UGT3A2: variants seen among roughly 807,000 people sequenced by gnomAD.
UGT3A2 encodes the protein UDP-glycosyltransferase 3A2.
Under a neutral mutation model 39.8 loss-of-function variants are expected in UGT3A2, and 32 were observed. That is an observed-to-expected ratio of 0.80 (90% CI 0.61 to 1.08). UGT3A2 has a LOEUF of 1.08. Among genes scored for constraint, UGT3A2 ranks in the 50% least tolerant of loss-of-function variants. The pLI is 0.00. For missense variants in UGT3A2, 611 were observed against 637.1 expected (o/e 0.96, Z 0.44); for synonymous variants, 241 against 230.7 (o/e 1.04, Z -0.40).
chr5:36,049,096 C>A lies in UGT3A2; in HGVS notation c.636G>T (p.Arg212Ser). ...ATGTAGACTGCATGTGCTGTTGCCT[C>A]CTGCAGAAACTAAAGAACATCAGAA... is the stretch of plus-strand genomic sequence containing the variant. ...KNFLMFFSFC[R>S]RQQHMQSTFD... Residue 212 changes from arginine (R) to serine (S), a missense_variant, in exon 4 of 7, where the codon AGG (arginine) becomes AGT (serine). Coordinates refer to ENST00000282507, the MANE Select transcript of UGT3A2 (RefSeq NM_174914.4). 1 of 1,614,188 alleles carries A rather than the reference C, an allele frequency of 6.2e-7. No homozygotes were observed. The highest frequency in any genetic ancestry group is 8.5e-7 in the Non-Finnish European group (1 of 1,180,042).
intron 2 of UGT3A2, among the ~76,000 whole-genome samples, chr5:36,062,806 A>C (rs1742750371): frequency 6.6e-6 from 1 of 152,188 alleles, no homozygotes; most frequent in African/African-American, 2.4e-5. Flanking sequence ...TTGGGAGGCC[A>C]AGGCAGGAGG....
At chr5:36,041,872 C>A (rs553105953) in intron 4 of UGT3A2, among the ~76,000 whole-genome samples, 29 of 152,162 alleles carry the variant, frequency 1.9e-4, no homozygotes, top group Admixed American at 6.5e-4. Flanking sequence ...AGCATCAAGA[C>A]CATCCAGGAA....
intron 2 of UGT3A2, among the ~76,000 whole-genome samples, chr5:36,057,514 A>T (rs932312307): frequency 6.7e-6 from 1 of 148,892 alleles, no homozygotes; most frequent in Non-Finnish European, 1.5e-5. Context: ...AGCTTTCAGT[A>T]GTTTCTCTCT....
At chr5:36,050,288 T>C (rs1742302926) in intron 3 of UGT3A2, among the ~76,000 whole-genome samples, 1 of 152,172 alleles carries the variant, frequency 6.6e-6, no homozygotes. Flanking sequence ...GTATTCCCAA[T>C]AATGCCTGCA....
In UGT3A2 at chr5:36,049,185, A is replaced by G; in HGVS notation, c.547T>C (p.Tyr183His). ...LEFGLPIPLSYVPVFRSLLTD... is the reference protein window; with the variant it reads ...LEFGLPIPLSHVPVFRSLLTD... ...AGCAAGGAACGGAATACTGGAACATAAGACAAGGGGATTGGTAGCCCAAAT... is the reference window on the plus strand; with the variant it reads ...AGCAAGGAACGGAATACTGGAACATGAGACAAGGGGATTGGTAGCCCAAAT... The change falls in exon 4 of 7, where the codon TAT becomes CAT. Residue 183 changes from tyrosine to histidine, a missense_variant. Physicochemically the swap from Tyr to His is moderately conservative, Grantham distance 83. Coordinates refer to ENST00000282507, the MANE Select transcript of UGT3A2 (RefSeq NM_174914.4). 6.2e-7 allele frequency: 1 copy of G among 1,614,238 alleles called. No homozygotes were observed. Among genetic ancestry groups the G allele is most frequent in the Non-Finnish European group, 8.5e-7 (1 of 1,180,050 alleles).
intron 6 of UGT3A2, among the ~76,000 whole-genome samples, chr5:36,037,584 G>A (rs928269333): frequency 3.3e-5 from 5 of 152,186 alleles, no homozygotes; most frequent in African/African-American, 1.2e-4. Context: ...AAGGTAGGAA[G>A]TGATTCTTAG....
intron 3 of UGT3A2, 50 bp from the exon 4 acceptor site, chr5:36,049,470 A>T: frequency 7.4e-7 from 1 of 1,343,266 alleles, no homozygotes; most frequent in Non-Finnish European, 1.0e-6. Context: ...TTAAATTTAC[A>T]GTACATAAAA....
chr5:36,064,126 CA>C, intron 2 of UGT3A2, 122 bp downstream of exon 2: 1 of 904,610 alleles, frequency 1.1e-6, no homozygotes, highest in Non-Finnish European at 1.7e-6. Context: ...CACACACACA[CA>C]AGCTTTTCAT....
intron 4 of UGT3A2, among the ~76,000 whole-genome samples, chr5:36,040,609 G>A (rs1238640815): frequency 6.6e-6 from 1 of 152,216 alleles, no homozygotes; most frequent in Non-Finnish European, 1.5e-5. Context: ...GCAACACAGG[G>A]AAGAATTCAG....
chr5:36,039,825 G>A, intron 4 of UGT3A2, 117 bp from the exon 5 acceptor site: 1 of 776,844 alleles, frequency 1.3e-6, no homozygotes, highest in Non-Finnish European at 2.1e-6. Flanking sequence ...CTGTCCCAAA[G>A]CTATTATTAT....
In UGT3A2 at chr5:36,035,115, T is replaced by G; in HGVS notation, c.*583A>C. 1 of 154,972 alleles carries G rather than the reference T, an allele frequency of 6.5e-6. No individual in the cohort carries two copies. Among genetic ancestry groups the G allele is most frequent in the Non-Finnish European group, 1.4e-5 (1 of 69,626 alleles). The allele number at this position is 154,972 out of a possible 1,614,324, so 9.6% of individuals were successfully genotyped here. A position where few individuals can be genotyped will look rare whatever the true frequency, so the allele number is the denominator to read the frequency against. ...CCTGCTCAGCCAAGAAGGAGCTCAC[T>G]GTGGGCACCAGAGACAGGGACCCAA... On this transcript the variant is annotated 3_prime_UTR_variant, in exon 7 of 7. Transcript: ENST00000282507.
At position 36,066,594 on chromosome 5, in the gene UGT3A2, A is replaced by C. The variant is rs901245256; in HGVS notation, c.94+102T>G. On this transcript the variant is annotated intron_variant, in intron 1 of 6. Coordinates refer to ENST00000282507, the MANE Select transcript of UGT3A2 (RefSeq NM_174914.4). ...AGCCGGGTCCGCAAGCCCAGCCTGG[A>C]AAATCACGTGGATGACTCTGATCAA... 5.2e-5 allele frequency: 82 copies of C among 1,585,652 alleles called. 2 individuals are homozygous for C. The Admixed American group carries it at 1.4e-3, about 27-fold the overall frequency.
chr5:36,043,470 T>C (rs866165445), intron 4 of UGT3A2, among the ~76,000 whole-genome samples: 12 of 151,616 alleles, frequency 7.9e-5, no homozygotes, highest in Middle Eastern at 3.2e-3. Context: ...TCTTAAAGAA[T>C]TGGAAAATCA....
At chr5:36,039,155 T>C (rs1164803009) in intron 5 of UGT3A2, among the ~76,000 whole-genome samples, 1 of 152,200 alleles carries the variant, frequency 6.6e-6, no homozygotes, top group Non-Finnish European at 1.5e-5. Context: ...GTTGATAGGT[T>C]GTCTTTAATT....
intron 2 of UGT3A2, among the ~76,000 whole-genome samples, chr5:36,056,761 G>C (rs1279829567): frequency 6.6e-6 from 1 of 152,156 alleles, no homozygotes; most frequent in East Asian, 1.9e-4. Context: ...ATCCTAATAG[G>C]CTGAGAATTT....
intron 4 of UGT3A2, 21 bp from the exon 5 acceptor site, chr5:36,039,729 T>C (rs774964529): frequency 1.9e-6 from 3 of 1,608,554 alleles, no homozygotes; most frequent in African/African-American, 2.7e-5. Context: ...ATTACCAAGG[T>C]AAAGAGGTGA....
chr5:36,047,449 C>G (rs887473762), intron 4 of UGT3A2, among the ~76,000 whole-genome samples: 3 of 152,210 alleles, frequency 2.0e-5, no homozygotes, highest in African/African-American at 7.2e-5. Flanking sequence ...TCTTTGAACT[C>G]TGATTCTGAT....
intron 4 of UGT3A2, among the ~76,000 whole-genome samples, chr5:36,043,078 A>G (rs1742061636): frequency 6.6e-6 from 1 of 152,112 alleles, no homozygotes; most frequent in Non-Finnish European, 1.5e-5. Flanking sequence ...TGCAAAAAAG[A>G]CATTCTTCTA....
rs1233546366 is a variant in UGT3A2 at position 36,039,337 on chromosome 5, C to T, written c.1075+140G>A. The T allele has an allele frequency of 1.5e-5, 12 of 776,542 alleles. 1 individual carries two copies. Among genetic ancestry groups the T allele is most frequent in the Non-Finnish European group, 2.5e-5 (12 of 482,070 alleles). The allele number at this position is 776,542 out of a possible 1,614,324, so 48.1% of individuals were successfully genotyped here. On this transcript the variant is annotated intron_variant, in intron 5 of 6. Transcript: ENST00000282507. ...TAGCCTGGTTTCCCAAGAACTCCAG[C>T]TGGCTGCTACTTTTCTGCCCACTGA...
Sources: allele counts gnomAD v4.1 joint callset (sites outside exome capture counted in the v4.1 genomes callset), GRCh38; gene constraint gnomAD v4.1.1; transcripts MANE v1.5; gene names NCBI Gene and HGNC (gene_info 2026-07-23, HGNC 2026-07-21).